The following CTNNA2 variants were observed in gnomAD, a reference collection of about 807,000 sequenced individuals.
The protein encoded by CTNNA2 is catenin alpha 2.
Under a neutral mutation model 101.0 loss-of-function variants are expected in CTNNA2, and 42 were observed. That is an observed-to-expected ratio of 0.42 (90% CI 0.32 to 0.54). The LOEUF is 0.54. CTNNA2 is among the 20% of genes least tolerant of loss of function. The pLI is 0.14. For missense variants in CTNNA2, 871 were observed against 1,223.1 expected (o/e 0.71, Z 4.29); for synonymous variants, 450 against 456.4 (o/e 0.99, Z 0.18).
At chr2:80,086,042 A>T (rs968315514) in intron 7 of CTNNA2, among the ~76,000 whole-genome samples, 1 of 152,086 alleles carries the variant, frequency 6.6e-6, no homozygotes. Flanking sequence ...ACTTGAAATC[A>T]GTGATTCTAA....
intron 9 of CTNNA2, among the ~76,000 whole-genome samples, chr2:80,422,063 C>G (rs1574001312): frequency 6.6e-6 from 1 of 152,148 alleles, no homozygotes; most frequent in African/African-American, 2.4e-5. Context: ...AGTCTGTTCT[C>G]ATGCTGCTAA....
chr2:80,627,305 A>G lies in CTNNA2; in HGVS notation c.2574+8077A>G, dbSNP rs986511763. ...AAGAATCGCCACACTGTCTTCCACA[A>G]TGGTTGAATTAGTTTATAGTTCCAC... On this transcript the variant is annotated intron_variant, in intron 18 of 18. Transcript: ENST00000402739. Among the ~76,000 whole-genome samples the G allele has an allele frequency of 1.5e-4, 23 of 152,206 alleles. 1 individual carries two copies. Among genetic ancestry groups the G allele is most frequent in the Admixed American group, 8.5e-4 (13 of 15,280 alleles).
Position 80,624,031 on chromosome 2 carries a change from C to A in CTNNA2, c.2574+4803C>A, listed in dbSNP as rs191825309. ...CTATTGAATCTCCTTGAAAGTGAGA[C>A]AAGAAACTGTAAACATTCAAGAGAC... is the stretch of plus-strand genomic sequence containing the variant. On this transcript the variant is annotated intron_variant, in intron 18 of 18. Coordinates refer to ENST00000402739, the MANE Select transcript of CTNNA2 (RefSeq NM_001282597.3). 1.4e-3 allele frequency among the ~76,000 whole-genome samples: 209 copies of A among 151,978 alleles called. 1 individual carries two copies. Among genetic ancestry groups the A allele is most frequent in the African/African-American group, 4.9e-3 (205 of 41,480 alleles).
intron 7 of CTNNA2, among the ~76,000 whole-genome samples, chr2:80,156,910 C>A (rs1178695571): frequency 6.6e-6 from 1 of 152,122 alleles, no homozygotes; most frequent in East Asian, 1.9e-4. Context: ...TAAATCCAAG[C>A]AACATCTGAT....
At chr2:79,991,882 G>A (rs1692208260) in intron 7 of CTNNA2, among the ~76,000 whole-genome samples, 2 of 152,112 alleles carry the variant, frequency 1.3e-5, no homozygotes, top group African/African-American at 4.8e-5. Context: ...CCAATTCTTT[G>A]TGTAATTAAA....
intron 7 of CTNNA2, among the ~76,000 whole-genome samples, chr2:80,002,260 G>A (rs1454520073): frequency 6.6e-6 from 1 of 152,150 alleles, no homozygotes; most frequent in Non-Finnish European, 1.5e-5. Flanking sequence ...CATTGATTTA[G>A]AGTTGGAGCT....
intron 2 of CTNNA2, among the ~76,000 whole-genome samples, chr2:79,728,577 T>G (rs549557388): frequency 4.9e-4 from 75 of 152,350 alleles, no homozygotes; most frequent in Non-Finnish European, 5.9e-5. Context: ...CTCTTTAGTT[T>G]AATTAGATCC....
intron 1 of CTNNA2, among the ~76,000 whole-genome samples, chr2:79,632,908 G>A (rs1679790790): frequency 6.6e-6 from 1 of 152,176 alleles, no homozygotes; most frequent in Admixed American, 6.5e-5. Context: ...CTCGGCTATT[G>A]TGGTGAAAGA....
At chr2:80,098,796 C>T (rs1478617232) in intron 7 of CTNNA2, among the ~76,000 whole-genome samples, 4 of 152,170 alleles carry the variant, frequency 2.6e-5, no homozygotes, top group African/African-American at 9.7e-5. Flanking sequence ...GGCATAGGAC[C>T]CTCTGAGCCA....
chr2:79,636,285 A>AG (rs1284006849), intron 1 of CTNNA2, among the ~76,000 whole-genome samples: 11 of 147,228 alleles, frequency 7.5e-5, no homozygotes, highest in Middle Eastern at 3.5e-3. Flanking sequence ...AAAAAAAAAA[A>AG]AAAAAAAAAA....
At chr2:79,618,419 A>G (rs1678779423) in intron 1 of CTNNA2, among the ~76,000 whole-genome samples, 1 of 151,832 alleles carries the variant, frequency 6.6e-6, no homozygotes. Flanking sequence ...AGCAGCTCTT[A>G]GGTTGCTAGT....
chr2:80,277,914 A>G (rs1030414174), intron 7 of CTNNA2, among the ~76,000 whole-genome samples: 1 of 152,022 alleles, frequency 6.6e-6, no homozygotes, highest in Non-Finnish European at 1.5e-5. Flanking sequence ...CTGAGTGTCT[A>G]CTTTCCCCGG....
intron 9 of CTNNA2, among the ~76,000 whole-genome samples, chr2:80,421,789 G>A (rs565354193): frequency 4.6e-5 from 6 of 130,274 alleles, no homozygotes; most frequent in Admixed American, 1.7e-4. Flanking sequence ...AAATCTACAA[G>A]TTTGCATATA....
At chr2:79,982,472 T>TACAC (rs60316453) in intron 7 of CTNNA2, among the ~76,000 whole-genome samples, 26,315 of 139,440 alleles carry the variant, frequency 0.19, 3,031 homozygotes, top group Admixed American at 0.3. Flanking sequence ...GACTCCTAAC[T>TACAC]ACACACACAC....
At chr2:80,097,767 C>T (rs1000555145) in intron 7 of CTNNA2, among the ~76,000 whole-genome samples, 20 of 152,194 alleles carry the variant, frequency 1.3e-4, no homozygotes, top group Non-Finnish European at 2.2e-4. Context: ...CGTCTTCCAT[C>T]GCTGATACCC....
At chr2:79,945,180 T>C (rs2916481) in intron 7 of CTNNA2, among the ~76,000 whole-genome samples, 139,440 of 152,024 alleles carry the variant, frequency 0.92, 64,015 homozygotes, top group East Asian at 0.95. Context: ...GTAGCTGGGA[T>C]TACAGGCATG....
intron 1 of CTNNA2, among the ~76,000 whole-genome samples, chr2:79,193,332 A>C (rs2104164602): frequency 6.6e-6 from 1 of 152,294 alleles, no homozygotes; most frequent in East Asian, 1.9e-4. Flanking sequence ...ATGAGATTAT[A>C]ATACTGTATT....
chr2:79,263,287 G>A (rs1020270247), intron 2 of CTNNA2, among the ~76,000 whole-genome samples: 4 of 152,138 alleles, frequency 2.6e-5, no homozygotes, highest in African/African-American at 9.7e-5. Context: ...CCTCATGAAT[G>A]GCTTGGTGCT....
chr2:79,934,840 A>G (rs1487794233), intron 7 of CTNNA2, among the ~76,000 whole-genome samples: 1 of 152,236 alleles, frequency 6.6e-6, no homozygotes, highest in African/African-American at 2.4e-5. Context: ...AGCATTACTG[A>G]AAAGAGATAG....
Sources: allele counts gnomAD v4.1 joint callset (sites outside exome capture counted in the v4.1 genomes callset), GRCh38; gene constraint gnomAD v4.1.1; transcripts MANE v1.5; gene names NCBI Gene and HGNC (gene_info 2026-07-23, HGNC 2026-07-21).